The following RGL1 variants were observed in gnomAD, a reference collection of about 807,000 sequenced individuals.
RGL1 encodes ral guanine nucleotide dissociation stimulator-like 1.
In RGL1, 24 loss-of-function variants were observed where a neutral mutation model predicts 95.2. That is an observed-to-expected ratio of 0.25 (90% CI 0.18 to 0.35). RGL1 has a LOEUF of 0.35. RGL1 is among the 10% of genes least tolerant of loss of function. RGL1 has a pLI of 1.00. For synonymous variants in RGL1, 329 were observed against 344.9 expected (o/e 0.95, Z 0.51); for missense variants, 715 against 936.3 (o/e 0.76, Z 3.08).
intron 1 of RGL1, among the ~76,000 whole-genome samples, chr1:183,733,347 C>T (rs1015237038): frequency 2.0e-5 from 3 of 152,218 alleles, no homozygotes; most frequent in African/African-American, 7.2e-5. Context: ...TTTGTATTCG[C>T]TTTTGGGCAC....
intron 2 of RGL1, among the ~76,000 whole-genome samples, chr1:183,807,998 G>A (rs929563380): frequency 1.5e-4 from 23 of 152,168 alleles, no homozygotes; most frequent in African/African-American, 5.3e-4. Flanking sequence ...TTCTGAACCA[G>A]TTGTCTTCAA....
At chr1:183,641,127 G>T (rs1011451191) in intron 1 of RGL1, among the ~76,000 whole-genome samples, 1 of 152,010 alleles carries the variant, frequency 6.6e-6, no homozygotes, top group African/African-American at 2.4e-5. Context: ...TTGTTTATAT[G>T]GTTTCAGAAT....
intron 6 of RGL1, among the ~76,000 whole-genome samples, 178 bp from the exon 7 acceptor site, chr1:183,884,545 C>T (rs1047357366): frequency 1.3e-5 from 2 of 152,108 alleles, no homozygotes; most frequent in Admixed American, 6.6e-5. Flanking sequence ...TGAACATTAT[C>T]GATGAGTATA....
intron 13 of RGL1, among the ~76,000 whole-genome samples, chr1:183,905,535 C>A (rs1365652529): frequency 6.6e-6 from 1 of 152,114 alleles, no homozygotes; most frequent in Non-Finnish European, 1.5e-5. Context: ...GCCATAAGAA[C>A]CGGAAGAGAA....
intron 1 of RGL1, among the ~76,000 whole-genome samples, chr1:183,717,847 T>C (rs1374178012): frequency 1.3e-5 from 2 of 152,120 alleles, no homozygotes; most frequent in African/African-American, 4.8e-5. Flanking sequence ...GAAGTGGCAT[T>C]TGGTATGAGC....
intron 2 of RGL1, among the ~76,000 whole-genome samples, chr1:183,770,576 C>T (rs966261932): frequency 6.6e-5 from 10 of 152,090 alleles, no homozygotes; most frequent in South Asian, 2.1e-4. Context: ...GTCTCAAATC[C>T]GTCTCCTCAA....
At chr1:183,797,366 T>C (rs1660752915) in intron 2 of RGL1, among the ~76,000 whole-genome samples, 2 of 152,172 alleles carry the variant, frequency 1.3e-5, no homozygotes, top group South Asian at 4.1e-4. Flanking sequence ...AAACTATTAG[T>C]TGAAAAATGT....
At chr1:183,875,892 A>AT (rs59489042) in intron 4 of RGL1, among the ~76,000 whole-genome samples, 1 of 151,190 alleles carries the variant, frequency 6.6e-6, no homozygotes, top group African/African-American at 2.4e-5. Context: ...AAAAAAAAAA[A>AT]TCAATGAGTA....
At chr1:183,684,724 CCCGAGGGAA>C (rs1216858438) in intron 1 of RGL1, among the ~76,000 whole-genome samples, 2 of 152,156 alleles carry the variant, frequency 1.3e-5, no homozygotes, top group African/African-American at 4.8e-5. Flanking sequence ...GGTGTAGGGA[CCCGAGGGAA>C]TCTCCTGGTC....
intron 1 of RGL1, among the ~76,000 whole-genome samples, chr1:183,691,482 A>G (rs1299115374): frequency 6.6e-6 from 1 of 152,234 alleles, no homozygotes; most frequent in Non-Finnish European, 1.5e-5. Flanking sequence ...TTGTTCCAAA[A>G]AGGATTGCAA....
intron 7 of RGL1, among the ~76,000 whole-genome samples, 166 bp downstream of exon 7, chr1:183,885,104 T>C (rs1667042227): frequency 6.6e-6 from 1 of 152,216 alleles, no homozygotes; most frequent in South Asian, 2.1e-4. Flanking sequence ...AAAGTTGCCT[T>C]TCTAAACTTG....
At chr1:183,820,396 T>A (rs927056614) in intron 2 of RGL1, among the ~76,000 whole-genome samples, 2 of 152,222 alleles carry the variant, frequency 1.3e-5, no homozygotes, top group Non-Finnish European at 2.9e-5. Flanking sequence ...GCTTATTTAT[T>A]GGTTAATGAG....
chr1:183,727,484 T>C (rs1656376545), intron 1 of RGL1, among the ~76,000 whole-genome samples: 1 of 152,204 alleles, frequency 6.6e-6, no homozygotes, highest in Non-Finnish European at 1.5e-5. Context: ...AACTGTTTTT[T>C]TTAAAAAACC....
At chr1:183,779,158 CCCTTCCTTCCTT>C (rs34992555) in intron 2 of RGL1, among the ~76,000 whole-genome samples, 8,308 of 91,812 alleles carry the variant, frequency 0.09, 457 homozygotes, top group African/African-American at 0.15. Context: ...TCAAAATTTT[CCCTTCCTTCCTT>C]CCTTCCTTCC....
intron 1 of RGL1, among the ~76,000 whole-genome samples, chr1:183,713,377 C>CG (rs1491169392): frequency 3.0e-4 from 3 of 10,078 alleles, no homozygotes; most frequent in East Asian, 2.9e-3. Flanking sequence ...TCTAGAGGCA[C>CG]CCCCCCCCCC....
intron 4 of RGL1, among the ~76,000 whole-genome samples, chr1:183,878,796 T>C (rs183735499): frequency 3.7e-4 from 56 of 152,322 alleles, no homozygotes; most frequent in African/African-American, 1.3e-3. Flanking sequence ...ACTGTCTTGT[T>C]GTTAGGCTGC....
intron 1 of RGL1, among the ~76,000 whole-genome samples, chr1:183,680,776 C>G (rs190281827): frequency 6.6e-6 from 1 of 152,196 alleles, no homozygotes; most frequent in African/African-American, 2.4e-5. Context: ...GGCAGTATGG[C>G]CATTTTCACG....
chr1:183,925,080 T>G (rs1363067750), intron 17 of RGL1, among the ~76,000 whole-genome samples: 2 of 152,244 alleles, frequency 1.3e-5, no homozygotes. Context: ...GTTCAAAAAT[T>G]ACAGATGTCT....
intron 1 of RGL1, chr1:183,742,097 C>T: frequency 6.3e-7 from 1 of 1,589,024 alleles, no homozygotes; most frequent in South Asian, 1.1e-5. Context: ...ATTGTTTTAA[C>T]CTGGATCACA....
Sources: allele counts gnomAD v4.1 joint callset (sites outside exome capture counted in the v4.1 genomes callset), GRCh38; gene constraint gnomAD v4.1.1; transcripts MANE v1.5; gene names NCBI Gene and HGNC (gene_info 2026-07-23, HGNC 2026-07-21).